The following SEC22A variants were observed in gnomAD, a reference collection of about 807,000 sequenced individuals.
The protein encoded by SEC22A is vesicle-trafficking protein SEC22a.
A neutral mutation model predicts 35.3 loss-of-function variants in SEC22A; 22 were observed. The ratio of observed to expected loss-of-function variants is 0.62; its 90% CI spans 0.45 to 0.89. SEC22A has a LOEUF of 0.89. Among genes scored for constraint, SEC22A ranks in the 40% least tolerant of loss-of-function variants. SEC22A has a pLI of 0.00. For missense variants in SEC22A, 354 were observed against 362.5 expected (o/e 0.98, Z 0.19); for synonymous variants, 119 against 129.5 (o/e 0.92, Z 0.55).
intron 6 of SEC22A, among the ~76,000 whole-genome samples, chr3:123,268,727 A>G (rs1233387003): frequency 1.3e-5 from 2 of 152,192 alleles, no homozygotes; most frequent in Non-Finnish European, 2.9e-5. Flanking sequence ...CTAATATATG[A>G]TTCCTATTCA....
At chr3:123,213,859 GA>G (rs887331446) in intron 2 of SEC22A, among the ~76,000 whole-genome samples, 9 of 150,420 alleles carry the variant, frequency 6.0e-5, no homozygotes, top group Non-Finnish European at 1.2e-4. Context: ...GAGTTTGAAG[GA>G]AAAAAAAATC....
chr3:123,209,176 C>T (rs754841145), intron 1 of SEC22A, 23 bp from the exon 2 acceptor site: 1 of 1,593,682 alleles, frequency 6.3e-7, no homozygotes, highest in Non-Finnish European at 8.6e-7. Context: ...TTTATGTAAC[C>T]CAAATTGTTC....
intron 5 of SEC22A, among the ~76,000 whole-genome samples, chr3:123,247,296 A>G (rs772827062): frequency 1.1e-4 from 17 of 152,214 alleles, no homozygotes; most frequent in Non-Finnish European, 2.1e-4. Flanking sequence ...TTGGTGAAGC[A>G]GGCTTGGGCT....
chr3:123,209,117 C>CTAGTAATATAAGAA, intron 1 of SEC22A, 82 bp from the exon 2 acceptor site: 1 of 1,057,858 alleles, frequency 9.5e-7, no homozygotes, highest in Non-Finnish European at 1.4e-6. Flanking sequence ...TCTTATATTA[C>CTAGTAATATAAGAA]TAGTAAGTTG....
At chr3:123,257,305 T>C (rs1316377367) in intron 5 of SEC22A, among the ~76,000 whole-genome samples, 1 of 152,196 alleles carries the variant, frequency 6.6e-6, no homozygotes, top group African/African-American at 2.4e-5. Flanking sequence ...CTACAACTTT[T>C]ATTTTTCAAA....
chr3:123,229,085 C>G (rs1937266749), intron 4 of SEC22A, among the ~76,000 whole-genome samples: 2 of 152,064 alleles, frequency 1.3e-5, no homozygotes, highest in Non-Finnish European at 2.9e-5. Context: ...GAAATAATGG[C>G]TGAAAAGTTC....
chr3:123,258,404 A>AC (rs2108095883), intron 5 of SEC22A, among the ~76,000 whole-genome samples: 1 of 152,298 alleles, frequency 6.6e-6, no homozygotes, highest in East Asian at 1.9e-4. Flanking sequence ...AATCAGAAAA[A>AC]AAAAGGTCAT....
chr3:123,238,690 A>T lies in SEC22A; in HGVS notation c.542-7209A>T, dbSNP rs550792594. On this transcript the variant is annotated intron_variant, in intron 4 of 6. Transcript: ENST00000492595. Reference sequence around the variant, plus strand: ...TTCAGGGTTTTCCTCCCTCTGTTACAGTATCTTACTCTCAGTATCTTTTTT... The same window carrying T: ...TTCAGGGTTTTCCTCCCTCTGTTACTGTATCTTACTCTCAGTATCTTTTTT... Among the ~76,000 whole-genome samples, 24 of 152,190 alleles carry T rather than the reference A, an allele frequency of 1.6e-4. No individual in the cohort carries two copies. The South Asian group carries it at 2.3e-3, about 14-fold the overall frequency.
At chr3:123,220,880 A>ATATATATATAT (rs1491297154) in intron 2 of SEC22A, among the ~76,000 whole-genome samples, 1 of 94,366 alleles carries the variant, frequency 1.1e-5, no homozygotes, top group African/African-American at 4.2e-5. Context: ...ATATATATAT[A>ATATATATATAT]CATATATATA....
At chr3:123,215,438 T>C (rs945651185) in intron 2 of SEC22A, among the ~76,000 whole-genome samples, 5 of 152,256 alleles carry the variant, frequency 3.3e-5, no homozygotes, top group East Asian at 1.9e-4. Context: ...TGATTAATCA[T>C]TGTAGTCAGA....
chr3:123,241,124 A>C (rs1937516601), intron 4 of SEC22A, among the ~76,000 whole-genome samples: 1 of 151,986 alleles, frequency 6.6e-6, no homozygotes, highest in Admixed American at 6.6e-5. Flanking sequence ...ATTTTTTAGA[A>C]ATACAGTAAA....
chr3:123,213,841 GA>G (rs1688680181), intron 2 of SEC22A, among the ~76,000 whole-genome samples: 1 of 151,994 alleles, frequency 6.6e-6, no homozygotes, highest in African/African-American at 2.4e-5. Context: ...ATAGGCAAGG[GA>G]AGACCAGAGT....
chr3:123,254,364 G>A (rs1937673292), intron 5 of SEC22A, among the ~76,000 whole-genome samples: 1 of 152,102 alleles, frequency 6.6e-6, no homozygotes, highest in Non-Finnish European at 1.5e-5. Context: ...TGTTTTCAGA[G>A]CAATACATTG....
At chr3:123,230,554 G>A (rs1453199273) in intron 4 of SEC22A, among the ~76,000 whole-genome samples, 1 of 152,090 alleles carries the variant, frequency 6.6e-6, no homozygotes, top group Non-Finnish European at 1.5e-5. Flanking sequence ...CTATATAGGA[G>A]TAATGTTTCT....
chr3:123,258,649 A>G (rs1937800115), intron 5 of SEC22A, among the ~76,000 whole-genome samples: 1 of 152,138 alleles, frequency 6.6e-6, no homozygotes, highest in African/African-American at 2.4e-5. Flanking sequence ...TTTTTCCTTT[A>G]TACTATTTTA....
chr3:123,256,695 G>A (rs757140868), intron 5 of SEC22A, among the ~76,000 whole-genome samples: 3 of 151,090 alleles, frequency 2.0e-5, no homozygotes, highest in Non-Finnish European at 2.9e-5. Context: ...ATTGACTTAC[G>A]TATCTGCCTT....
At chr3:123,266,566 A>G (rs73186444) in intron 6 of SEC22A, among the ~76,000 whole-genome samples, 27,057 of 152,008 alleles carry the variant, frequency 0.18, 2,671 homozygotes, top group Admixed American at 0.26. Flanking sequence ...GCATCGTTTC[A>G]CTTCTAAATG....
intron 6 of SEC22A, 32 bp downstream of exon 6, chr3:123,259,621 A>ACC: frequency 6.9e-7 from 1 of 1,457,252 alleles, no homozygotes; most frequent in South Asian, 1.2e-5. Context: ...AGAAACACTT[A>ACC]CCATTATTGT....
At chr3:123,264,785 T>C (rs9871758) in intron 6 of SEC22A, among the ~76,000 whole-genome samples, 46,642 of 151,768 alleles carry the variant, frequency 0.31, 7,875 homozygotes, top group Non-Finnish European at 0.4. Flanking sequence ...CCCACCATCA[T>C]GCCTAGCTAA....
Sources: allele counts gnomAD v4.1 joint callset (sites outside exome capture counted in the v4.1 genomes callset), GRCh38; gene constraint gnomAD v4.1.1; transcripts MANE v1.5; gene names NCBI Gene and HGNC (gene_info 2026-07-23, HGNC 2026-07-21).